CEP192: variants seen among roughly 807,000 people sequenced by gnomAD.
CEP192 encodes centrosomal protein 192.
Under a neutral mutation model 271.8 loss-of-function variants are expected in CEP192, and 151 were observed. That is an observed-to-expected ratio of 0.56 (90% CI 0.49 to 0.64). CEP192 has a LOEUF of 0.64. Ranked by LOEUF, CEP192 falls within the 30% of genes least tolerant of loss-of-function variation. The probability of loss-of-function intolerance (pLI) is 0.00; values close to 1 mark genes in which losing one functional copy is unlikely to be tolerated. For missense variants in CEP192, 2,910 were observed against 3,020.5 expected (o/e 0.96, Z 0.86); for synonymous variants, 995 against 1,076.5 (o/e 0.92, Z 1.48).
Position 13,031,792 on chromosome 18 carries a change from G to A in CEP192, c.1534+1184G>A, listed in dbSNP as rs965263508. Among the ~76,000 whole-genome samples, 6 of 152,172 alleles carry A rather than the reference G, an allele frequency of 3.9e-5. No homozygotes were observed. The East Asian group carries it at 5.8e-4, about 15-fold the overall frequency. ...TTTAGAGAAGAAACAAATGTTGCACGAGTAGGTAGCAAAAGAATTTCACAT... is the reference window on the plus strand; with the variant it reads ...TTTAGAGAAGAAACAAATGTTGCACAAGTAGGTAGCAAAAGAATTTCACAT... On this transcript the variant is annotated intron_variant, in intron 11 of 44. Coordinates refer to ENST00000506447, the MANE Select transcript of CEP192 (RefSeq NM_032142.4).
At chr18:13,015,124 G>A (rs1381304656) in intron 5 of CEP192, among the ~76,000 whole-genome samples, 2 of 152,150 alleles carry the variant, frequency 1.3e-5, no homozygotes, top group African/African-American at 4.8e-5. Context: ...GTTCTATTGG[G>A]CAGGTCAGGT....
At chr18:13,024,207 C>T in intron 9 of CEP192, 5 of 403,328 alleles carry the variant, frequency 1.2e-5, no homozygotes, top group South Asian at 9.2e-5. Flanking sequence ...GTTATGTCTT[C>T]CTAGAGAATT....
chr18:13,104,268 C>T (rs905924778), intron 39 of CEP192, among the ~76,000 whole-genome samples: 18 of 152,152 alleles, frequency 1.2e-4, no homozygotes, highest in Non-Finnish European at 1.9e-4. Flanking sequence ...TCCCAGCCAG[C>T]GGTGCAGGAA....
At chr18:13,026,826 A>G (rs1485509900) in intron 9 of CEP192, among the ~76,000 whole-genome samples, 2 of 152,084 alleles carry the variant, frequency 1.3e-5, no homozygotes, top group Non-Finnish European at 2.9e-5. Context: ...AATATTCATC[A>G]TAATTGTTTT....
intron 1 of CEP192, among the ~76,000 whole-genome samples, chr18:12,996,138 T>C (rs1466071724): frequency 6.8e-6 from 1 of 147,346 alleles, no homozygotes; most frequent in African/African-American, 2.5e-5. Flanking sequence ...AGAGGAGGCC[T>C]GGAGACCAAA....
intron 26 of CEP192, 66 bp from the exon 27 acceptor site, chr18:13,069,672 A>T: frequency 1.2e-6 from 1 of 850,458 alleles, no homozygotes; most frequent in Non-Finnish European, 2.0e-6. Context: ...GTAAGGCAGG[A>T]GCCACTGAGC....
rs540516815 is a variant in CEP192 at position 12,998,006 on chromosome 18, T to G, written c.-4-1415T>G. Among the ~76,000 whole-genome samples the G allele has an allele frequency of 2.6e-5, 4 of 152,326 alleles. No homozygotes were observed. The South Asian group carries it at 8.3e-4, about 32-fold the overall frequency. Reference sequence around the variant, plus strand: ...TCCCAAAATGCTGGGATTACAGACATGAGCCATCGCACCTGGCCTCATAAT... The same window carrying G: ...TCCCAAAATGCTGGGATTACAGACAGGAGCCATCGCACCTGGCCTCATAAT... On this transcript the variant is annotated intron_variant, in intron 1 of 44. Coordinates refer to ENST00000506447, the MANE Select transcript of CEP192 (RefSeq NM_032142.4).
At chr18:13,051,400 T>C (rs954597786) in intron 17 of CEP192, among the ~76,000 whole-genome samples, 1 of 152,080 alleles carries the variant, frequency 6.6e-6, no homozygotes, top group Non-Finnish European at 1.5e-5. Context: ...CGGGAGTGCA[T>C]GTGGATACAG....
chr18:12,995,301 T>A (rs913864045), intron 1 of CEP192, among the ~76,000 whole-genome samples: 9 of 151,966 alleles, frequency 5.9e-5, no homozygotes, highest in Non-Finnish European at 1.2e-4. Context: ...CCTGACCTCG[T>A]GATCCGCCCG....
intron 11 of CEP192, among the ~76,000 whole-genome samples, chr18:13,032,639 C>T (rs748725867): frequency 6.6e-5 from 10 of 152,018 alleles, no homozygotes; most frequent in South Asian, 4.1e-4. Context: ...TAATTGTACA[C>T]CTGAGTACAT....
At chr18:13,016,191 G>A (rs548891406) in intron 6 of CEP192, among the ~76,000 whole-genome samples, 2 of 152,308 alleles carry the variant, frequency 1.3e-5, no homozygotes, top group South Asian at 4.1e-4. Flanking sequence ...AATTAACTCT[G>A]ATTGAGGCAG....
chr18:13,042,421 T>C (rs2036259703), intron 15 of CEP192, 87 bp downstream of exon 15: 2 of 1,347,186 alleles, frequency 1.5e-6, no homozygotes, highest in South Asian at 2.6e-5. Flanking sequence ...GTGAAAAATT[T>C]ATGCCGTTTA....
intron 43 of CEP192, 107 bp from the exon 44 acceptor site, chr18:13,117,478 C>T (rs2041223797): frequency 2.5e-6 from 2 of 787,860 alleles, no homozygotes; most frequent in South Asian, 1.7e-5. Flanking sequence ...TGTGGCAATA[C>T]CTAAATTTAC....
At position 13,008,505 on chromosome 18, in the gene CEP192, G is replaced by A. The variant is rs1042433452; in HGVS notation, c.340G>A (p.Ala114Thr). The change falls in exon 4 of 45, where the codon GCT becomes ACT. Residue 114 changes from alanine to threonine, a missense_variant. Physicochemically the swap from Ala to Thr is moderately conservative, Grantham distance 58. Coordinates refer to ENST00000506447, the MANE Select transcript of CEP192 (RefSeq NM_032142.4). ...SYVESQRLSN[A>T]LSKQSALQME... The stretch of plus-strand genomic sequence containing the variant: ...TGTGGAAAGTCAACGTTTGTCAAAT[G>A]CTCTCAGCAAACAGTCAGCTTTACA... The A allele has an allele frequency of 4.5e-6, 7 of 1,551,208 alleles. No homozygotes were observed. The highest frequency in any genetic ancestry group is 6.1e-6 in the Non-Finnish European group (7 of 1,146,806).
chr18:13,106,509 T>TACCACCACCACCACCACCACCACC (rs761390676), intron 40 of CEP192, among the ~76,000 whole-genome samples: 3 of 136,948 alleles, frequency 2.2e-5, no homozygotes, highest in African/African-American at 8.8e-5. Flanking sequence ...CACCATTTCC[T>TACCACCACCACCACCACCACCACC]ACCACCACCA....
chr18:13,123,633 G>A (rs906666010), intron 44 of CEP192, among the ~76,000 whole-genome samples: 5 of 152,080 alleles, frequency 3.3e-5, no homozygotes, highest in Non-Finnish European at 5.9e-5. Context: ...ACTTAAAAAC[G>A]CCTAAGCCTA....
At chr18:13,096,066 T>C (rs1598588854) in intron 35 of CEP192, 118 bp from the exon 36 acceptor site, 2 of 1,026,054 alleles carry the variant, frequency 1.9e-6, no homozygotes, top group Non-Finnish European at 1.4e-6. Context: ...AATTGAGCAG[T>C]TGAGAAAGCA....
Position 13,124,857 on chromosome 18 carries a change from T to G in CEP192, c.*87T>G, listed in dbSNP as rs986640420. On this transcript the variant is annotated 3_prime_UTR_variant, in exon 45 of 45. Transcript: ENST00000506447. ...TACACTACAATTATGCTTTTGTATATATATTTTGTATGATGGATATCTATA... is the reference window on the plus strand; with the variant it reads ...TACACTACAATTATGCTTTTGTATAGATATTTTGTATGATGGATATCTATA... The G allele has an allele frequency of 2.0e-5, 21 of 1,051,628 alleles. No homozygotes were observed. In the Admixed American group the frequency reaches 4.9e-4, roughly 24 times the overall value. 65.1% of individuals were successfully genotyped at this position (1,051,628 alleles called of 1,614,324 possible).
intron 36 of CEP192, 58 bp downstream of exon 36, chr18:13,096,365 C>A (rs1177997334): frequency 3.8e-6 from 6 of 1,582,282 alleles, no homozygotes; most frequent in Non-Finnish European, 5.2e-6. Flanking sequence ...TGGTGACTTT[C>A]TAAAGATCAA....
Sources: gnomAD v4.1 joint callset for allele counts (sites outside exome capture counted in the v4.1 genomes callset) on GRCh38, gnomAD v4.1.1 for gene constraint, MANE v1.5 for transcripts, NCBI Gene and HGNC (gene_info 2026-07-23, HGNC 2026-07-21) for gene names.